The following EDARADD variants were observed in gnomAD, a reference collection of about 807,000 sequenced individuals.
EDARADD encodes ectodysplasin-A receptor-associated adapter protein.
A neutral mutation model predicts 25.6 loss-of-function variants in EDARADD; 20 were observed. The observed-to-expected ratio is 0.78, with a 90% CI of 0.55 to 1.14. The LOEUF (loss-of-function observed/expected upper bound fraction) is 1.14. Among genes scored for constraint, EDARADD ranks in the 50% most tolerant of loss-of-function variants. EDARADD has a pLI of 0.00. For synonymous variants in EDARADD, 86 were observed against 94.4 expected (o/e 0.91, Z 0.52); for missense variants, 225 against 270.1 (o/e 0.83, Z 1.17).
chr1:236,404,468 G>A (rs1388421060), intron 1 of EDARADD, among the ~76,000 whole-genome samples: 4 of 152,182 alleles, frequency 2.6e-5, no homozygotes, highest in Non-Finnish European at 5.9e-5. Context: ...GGGCGCCACC[G>A]TGGGCCTGGG....
At chr1:236,435,330 C>T (rs1166667194) in intron 4 of EDARADD, among the ~76,000 whole-genome samples, 1 of 152,240 alleles carries the variant, frequency 6.6e-6, no homozygotes, top group Non-Finnish European at 1.5e-5. Context: ...TTCATAGTCA[C>T]ATGTTTGCTG....
chr1:236,477,043 G>C (rs957978833), intron 5 of EDARADD, among the ~76,000 whole-genome samples: 20 of 142,510 alleles, frequency 1.4e-4, no homozygotes, highest in East Asian at 4.1e-4. Context: ...AAATTGAAAA[G>C]TGCCCATAAG....
Position 236,467,424 on chromosome 1 carries a change from G to GCACACACA in EDARADD, c.220-806_220-805insACACACAC, listed in dbSNP as rs369424991. On this transcript the variant is annotated intron_variant, in intron 4 of 5. Coordinates refer to ENST00000334232, the MANE Select transcript of EDARADD (RefSeq NM_145861.4). ...CTGACTTCATGGGAAGCACACACAC[G>GCACACACA]CGCACACACACACACACACACACAC... Among the ~76,000 whole-genome samples the GCACACACA allele has an allele frequency of 6.7e-3, 809 of 120,880 alleles. 13 individuals carry two copies. Among genetic ancestry groups the GCACACACA allele is most frequent in the African/African-American group, 0.025 (714 of 28,416 alleles). The allele number at this position is 120,880 out of a possible 152,430, so 79.3% of individuals were successfully genotyped here. A position where few individuals can be genotyped will look rare whatever the true frequency, so the allele number is the denominator to read the frequency against.
chr1:236,349,125 C>T (rs1331132599), intron 2 of EDARADD, among the ~76,000 whole-genome samples: 2 of 152,108 alleles, frequency 1.3e-5, no homozygotes, highest in African/African-American at 4.8e-5. Flanking sequence ...AAGTGATCCT[C>T]CTGCCTCAGC....
chr1:236,367,443 G>T (rs187513591), intron 3 of EDARADD, among the ~76,000 whole-genome samples: 57 of 152,140 alleles, frequency 3.7e-4, no homozygotes, highest in African/African-American at 1.1e-3. Flanking sequence ...TGGCCAGGCT[G>T]GTCTCAAACT....
intron 3 of EDARADD, among the ~76,000 whole-genome samples, chr1:236,374,465 T>C (rs2102994356): frequency 1.3e-5 from 2 of 152,136 alleles, no homozygotes; most frequent in Middle Eastern, 3.4e-3. Context: ...GACAAAGTCT[T>C]GCCACGTTGC....
intron 1 of EDARADD, among the ~76,000 whole-genome samples, chr1:236,408,858 A>G (rs1392207154): frequency 6.6e-6 from 1 of 151,732 alleles, no homozygotes; most frequent in African/African-American, 2.4e-5. Flanking sequence ...GGCTCAAGCG[A>G]TTCTCCTCCC....
In EDARADD at chr1:236,484,762, G is replaced by A. The variant is rs143015391; in HGVS notation, c.*2113G>A. 0.018 allele frequency: 4,541 copies of A among 257,098 alleles called. 82 individuals are homozygous for A. The highest frequency in any genetic ancestry group is 0.023 in the Non-Finnish European group (3,058 of 131,748). The allele number at this position is 257,098 out of a possible 1,614,324, so 15.9% of individuals were successfully genotyped here. ...CAGAAGCCAAGCTCCCTGGAGCCCT[G>A]TTGGCAGCTCTAGCCTTGCAGTCAT... is the stretch of plus-strand genomic sequence containing the variant. On this transcript the variant is annotated 3_prime_UTR_variant, in exon 6 of 6. Transcript: ENST00000334232. The surrounding 1 kb of genome is among the most constrained non-coding windows in gnomAD (Gnocchi z 4.1).
At chr1:236,370,450 A>G (rs639925) in intron 3 of EDARADD, among the ~76,000 whole-genome samples, 44,782 of 151,958 alleles carry the variant, frequency 0.29, 6,964 homozygotes, top group African/African-American at 0.39. Flanking sequence ...TTGCAGTAGA[A>G]AAAGAGTAAT....
chr1:236,391,733 G>A (rs1341846784), upstream of EDARADD, among the ~76,000 whole-genome samples: 2 of 152,142 alleles, frequency 1.3e-5, no homozygotes, highest in Non-Finnish European at 1.5e-5. Context: ...TGTATTCTGT[G>A]ATGAATCAAA....
chr1:236,480,370 A>G (rs1558139318), intron 5 of EDARADD, among the ~76,000 whole-genome samples: 1 of 152,100 alleles, frequency 6.6e-6, no homozygotes, highest in Non-Finnish European at 1.5e-5. Context: ...TAACACCGTG[A>G]TAACAATGTT....
At chr1:236,404,201 AAAAC>A (rs1285417674) in intron 1 of EDARADD, among the ~76,000 whole-genome samples, 2 of 152,326 alleles carry the variant, frequency 1.3e-5, no homozygotes, top group African/African-American at 4.8e-5. Context: ...GGGGCTGGGA[AAAAC>A]AAACATTTTA....
In EDARADD at chr1:236,408,041, C is replaced by T. The variant is rs530712137; in HGVS notation, c.62-1175C>T. ...GAAGTAGATTCAGAATGGAGTCATT[C>T]CTGCCGAAGGTAGTGTCAAATTCAG... On this transcript the variant is annotated intron_variant, in intron 1 of 5. Transcript: ENST00000334232. Among the ~76,000 whole-genome samples the T allele has an allele frequency of 7.9e-5, 12 of 152,166 alleles. No homozygotes were observed. The South Asian group carries it at 2.5e-3, about 32-fold the overall frequency.
At chr1:236,429,008 C>G (rs1196687747) in intron 4 of EDARADD, among the ~76,000 whole-genome samples, 6 of 152,112 alleles carry the variant, frequency 3.9e-5, no homozygotes, top group Admixed American at 6.5e-5. Flanking sequence ...TTGCGACGCG[C>G]GCCTGCAATC....
At chr1:236,449,745 A>G (rs1658658530) in intron 4 of EDARADD, among the ~76,000 whole-genome samples, 1 of 152,226 alleles carries the variant, frequency 6.6e-6, no homozygotes, top group Non-Finnish European at 1.5e-5. Context: ...TAAAACTGTT[A>G]ATAGTAACAG....
At position 236,483,038 on chromosome 1, in the gene EDARADD, C is replaced by A; in HGVS notation, c.*389C>A. ...GACATACCCACAGCATTATATGTAA[C>A]ATCTCTCCTGATCAGTGCCATTCCC... On this transcript the variant is annotated 3_prime_UTR_variant, in exon 6 of 6. Coordinates refer to ENST00000334232, the MANE Select transcript of EDARADD (RefSeq NM_145861.4). The A allele has an allele frequency of 1.5e-6, 1 of 663,302 alleles. No individual in the cohort carries two copies. The highest frequency in any genetic ancestry group is 2.6e-6 in the Non-Finnish European group (1 of 384,150). 41.1% of individuals were successfully genotyped at this position (663,302 alleles called of 1,614,324 possible). A position where few individuals can be genotyped will look rare whatever the true frequency, so the allele number is the denominator to read the frequency against.
rs1667496394 is a variant in EDARADD at position 236,395,418 on chromosome 1, T to C, written c.61+913T>C. On this transcript the variant is annotated intron_variant, in intron 1 of 5. Coordinates refer to ENST00000334232, the MANE Select transcript of EDARADD (RefSeq NM_145861.4). This position sits in a 1 kb window ranked among gnomAD's most constrained non-coding sequence, Gnocchi z 6.9. ...ACGCGCAGCGAAGGGGCTTTGCTAA[T>C]TGCCAAAGCAGGAAGTGAGCTCGTG... is the stretch of plus-strand genomic sequence containing the variant. 2 of 1,443,672 alleles carry C rather than the reference T, an allele frequency of 1.4e-6. No individual in the cohort carries two copies. The highest frequency in any genetic ancestry group is 1.8e-6 in the Non-Finnish European group (2 of 1,098,924). 89.4% of individuals were successfully genotyped at this position (1,443,672 alleles called of 1,614,324 possible).
At chr1:236,445,245 T>TTTTTTTTTTTTTTTTTTTTA (rs1658502774) in intron 4 of EDARADD, among the ~76,000 whole-genome samples, 12 of 139,614 alleles carry the variant, frequency 8.6e-5, no homozygotes, top group Admixed American at 2.9e-4. Context: ...TTTTTTTTTT[T>TTTTTTTTTTTTTTTTTTTTA]GAGACAGAGT....
intron 4 of EDARADD, among the ~76,000 whole-genome samples, chr1:236,449,839 G>C (rs943548737): frequency 7.2e-5 from 11 of 152,156 alleles, no homozygotes; most frequent in African/African-American, 2.7e-4. Context: ...GGTGGCTCAC[G>C]CCTGTAATCC....
Sources: allele counts gnomAD v4.1 joint callset (sites outside exome capture counted in the v4.1 genomes callset), GRCh38; gene constraint gnomAD v4.1.1; non-coding constraint Gnocchi (gnomAD v3.1); transcripts MANE v1.5; gene names NCBI Gene and HGNC (gene_info 2026-07-23, HGNC 2026-07-21).